The following SRCIN1 variants were observed in gnomAD, a reference collection of about 807,000 sequenced individuals.
SRCIN1 encodes the protein SRC kinase signaling inhibitor 1, also known as P130Cas-associated protein.
Under a neutral mutation model 116.2 loss-of-function variants are expected in SRCIN1, and 50 were observed. The observed-to-expected ratio is 0.43, with a 90% CI of 0.34 to 0.54. The LOEUF (loss-of-function observed/expected upper bound fraction) is 0.54. Ranked by LOEUF, SRCIN1 falls within the 20% of genes least tolerant of loss-of-function variation. The pLI is 0.02. For synonymous variants in SRCIN1, 736 were observed against 750.0 expected, an observed-to-expected ratio of 0.98 and a Z score of 0.30; for missense variants, 1,446 against 1,672.0, an observed-to-expected ratio of 0.86 and a Z score of 2.36.
chr17:38,533,217 G>C lies in SRCIN1; in HGVS notation c.*80C>G. ...GGGCGTCTGGAGAGTAGGGTGGGGT[G>C]GGGTGGAGATGAAGGAAGAGAGGGG... On this transcript the variant is annotated 3_prime_UTR_variant, in exon 19 of 19. Coordinates refer to ENST00000617146, the MANE Select transcript of SRCIN1 (RefSeq NM_025248.3). 6.7e-7 allele frequency: 1 copy of C among 1,483,798 alleles called. No individual in the cohort carries two copies. The highest frequency in any genetic ancestry group is 9.0e-7 in the Non-Finnish European group (1 of 1,116,082). The allele number at this position is 1,483,798 out of a possible 1,614,324, so 91.9% of individuals were successfully genotyped here.
chr17:38,561,370 C>T (rs1906226152), intron 7 of SRCIN1, 93 bp downstream of exon 7: 1 of 1,377,314 alleles, frequency 7.3e-7, no homozygotes, highest in African/African-American at 1.5e-5. Context: ...GGATCTCAGT[C>T]CAGGACACAC....
chr17:38,551,085 A>G, intron 15 of SRCIN1, 70 bp downstream of exon 15: 1 of 663,944 alleles, frequency 1.5e-6, no homozygotes, highest in Middle Eastern at 4.2e-4. Flanking sequence ...TGCCTCCCCC[A>G]TCAGCCTGGG....
At chr17:38,553,518 G>A (rs936893815) in intron 11 of SRCIN1, among the ~76,000 whole-genome samples, 38 of 152,040 alleles carry the variant, frequency 2.5e-4, no homozygotes, top group Non-Finnish European at 4.7e-4. Context: ...ACGTGCCCCC[G>A]GGGAGGTCTC....
At chr17:38,541,797 A>G (rs969465746) in intron 18 of SRCIN1, 1 of 152,328 alleles carries the variant, frequency 6.6e-6, no homozygotes, top group Non-Finnish European at 1.5e-5. Context: ...TACTAAAAAT[A>G]CAAAAATTAG....
chr17:38,539,297 C>T (rs921506245), intron 18 of SRCIN1, among the ~76,000 whole-genome samples: 1 of 152,156 alleles, frequency 6.6e-6, no homozygotes, highest in Non-Finnish European at 1.5e-5. Context: ...CGTATGTTGC[C>T]CAGGCTGGTC....
intron 1 of SRCIN1, among the ~76,000 whole-genome samples, chr17:38,589,133 A>C (rs577084916): frequency 2.6e-5 from 4 of 151,938 alleles, no homozygotes; most frequent in African/African-American, 9.7e-5. Flanking sequence ...CCTCACCAGC[A>C]CTCTCCACCT....
chr17:38,588,013 T>C (rs913787374), intron 1 of SRCIN1, among the ~76,000 whole-genome samples: 1 of 150,240 alleles, frequency 6.7e-6, no homozygotes, highest in Non-Finnish European at 1.5e-5. Context: ...TGACCTTGAG[T>C]AGGTCAGGGG....
chr17:38,564,352 G>A (rs1906520822), intron 3 of SRCIN1, 39 bp from the exon 4 acceptor site: 6 of 1,432,136 alleles, frequency 4.2e-6, no homozygotes, highest in African/African-American at 2.0e-5. Flanking sequence ...CCAAGGATGA[G>A]CACCCCCCCT....
intron 18 of SRCIN1, among the ~76,000 whole-genome samples, chr17:38,540,753 GT>G (rs1904682886): frequency 6.6e-6 from 1 of 151,282 alleles, no homozygotes; most frequent in Non-Finnish European, 1.5e-5. Flanking sequence ...GTGTGTGTGT[GT>G]GTGTGTGTGT....
chr17:38,563,573 C>T lies in SRCIN1; in HGVS notation c.542-52G>A. ...TCACTGCTGCCGTCTCCACGCCGCC[C>T]TCCAGGAGAGCGCGGGGAGCTTTTC... On this transcript the variant is annotated intron_variant, in intron 4 of 18. Coordinates refer to ENST00000617146, the MANE Select transcript of SRCIN1 (RefSeq NM_025248.3). The surrounding 1 kb of genome is among the most constrained non-coding windows in gnomAD (Gnocchi z 5.8). The T allele has an allele frequency of 6.5e-7, 1 of 1,537,816 alleles. No homozygotes were observed. Among genetic ancestry groups the T allele is most frequent in the Non-Finnish European group, 8.7e-7 (1 of 1,145,666 alleles).
intron 11 of SRCIN1, among the ~76,000 whole-genome samples, chr17:38,554,661 G>A (rs188266196): frequency 3.3e-5 from 5 of 152,252 alleles, no homozygotes; most frequent in Admixed American, 2.6e-4. Context: ...ATTCATCTCC[G>A]GTTTCTAGCA....
intron 1 of SRCIN1, among the ~76,000 whole-genome samples, chr17:38,581,786 C>T (rs148617626): frequency 2.3e-4 from 35 of 152,286 alleles, no homozygotes; most frequent in African/African-American, 8.4e-4. Context: ...AGAAGTGTGG[C>T]TAAAGGAGAG....
At chr17:38,542,027 G>T in intron 18 of SRCIN1, 1 of 151,836 alleles carries the variant, frequency 6.6e-6, no homozygotes, top group Non-Finnish European at 1.5e-5. Flanking sequence ...GAGGAACAGA[G>T]GGTCTGCACA....
In SRCIN1 at chr17:38,578,538, T is replaced by C. The variant is rs368742584; in HGVS notation, c.276A>G (p.Pro92=). 8 of 1,600,074 alleles carry C rather than the reference T, an allele frequency of 5.0e-6. No individual in the cohort carries two copies. In the African/African-American group the frequency reaches 6.7e-5, roughly 13 times the overall value. ...AFMDHLKSKY[P]QHALALRGQQ... ...GGCCTCGCAGGGCCAGGGCGTGCTG[T>C]GGGTACTTGCTCTTCAGGTGGTCCA... Residue 92 remains proline, a synonymous_variant, in exon 2 of 19, where the codon CCA becomes CCG. Coordinates refer to ENST00000617146, the MANE Select transcript of SRCIN1 (RefSeq NM_025248.3).
chr17:38,582,162 T>C (rs1201163079), intron 1 of SRCIN1, among the ~76,000 whole-genome samples: 1 of 152,168 alleles, frequency 6.6e-6, no homozygotes, highest in African/African-American at 2.4e-5. Context: ...TCTCCAATTA[T>C]CATCTCCCAG....
intron 1 of SRCIN1, 33 bp from the exon 2 acceptor site, chr17:38,578,824 C>A (rs1441844679): frequency 1.4e-5 from 20 of 1,451,960 alleles, no homozygotes; most frequent in Non-Finnish European, 1.8e-5. Context: ...GGCTGGGTCA[C>A]GGCGCGCCCG....
At position 38,605,796 on chromosome 17, in the gene SRCIN1, C is replaced by T. The variant is rs1193993028; in HGVS notation, c.-91G>A. On this transcript the variant is annotated 5_prime_UTR_variant, in exon 1 of 19. Transcript: ENST00000617146. ...CGCGGGCTCCTCGCTCGGCCCCAGC[C>T]CCGGGGCGCGGTGCCAGGCGGGCGG... is the stretch of plus-strand genomic sequence containing the variant. 1 of 507,920 alleles carries T rather than the reference C, an allele frequency of 2.0e-6. No individual in the cohort carries two copies. Among genetic ancestry groups the T allele is most frequent in the African/African-American group, 2.2e-5 (1 of 46,132 alleles). The allele number at this position is 507,920 out of a possible 1,614,324, so 31.5% of individuals were successfully genotyped here.
At chr17:38,581,142 C>G (rs1023425579) in intron 1 of SRCIN1, among the ~76,000 whole-genome samples, 2 of 152,038 alleles carry the variant, frequency 1.3e-5, no homozygotes, top group Non-Finnish European at 2.9e-5. Context: ...CACGATGACT[C>G]ATACCTGTAA....
intron 1 of SRCIN1, among the ~76,000 whole-genome samples, chr17:38,579,845 C>T (rs976216934): frequency 6.6e-6 from 1 of 151,932 alleles, no homozygotes; most frequent in Non-Finnish European, 1.5e-5. Flanking sequence ...CACGCATGCC[C>T]CTGGGGGTGG....
Sources: allele counts gnomAD v4.1 joint callset (sites outside exome capture counted in the v4.1 genomes callset), GRCh38; gene constraint gnomAD v4.1.1; non-coding constraint Gnocchi (gnomAD v3.1); transcripts MANE v1.5; gene names NCBI Gene and HGNC (gene_info 2026-07-23, HGNC 2026-07-21).